ITGA9: variants seen among roughly 807,000 people sequenced by gnomAD.
ITGA9 encodes integrin subunit alpha 9.
In ITGA9, 56 loss-of-function variants were observed where a neutral mutation model predicts 127.8. The ratio of observed to expected loss-of-function variants is 0.44; its 90% CI spans 0.35 to 0.55. The LOEUF (loss-of-function observed/expected upper bound fraction) is 0.55, where lower values mean the gene tolerates loss of function less well. Among genes scored for constraint, ITGA9 ranks in the 20% least tolerant of loss-of-function variants. The pLI, the probability that ITGA9 is intolerant of heterozygous loss-of-function variation, is 0.00. For synonymous variants in ITGA9, 508 were observed against 514.5 expected, an observed-to-expected ratio of 0.99 and a Z score of 0.17; for missense variants, 1,196 against 1,347.1, an observed-to-expected ratio of 0.89 and a Z score of 1.76.
At chr3:37,590,989 G>A (rs1575160041) in intron 15 of ITGA9, among the ~76,000 whole-genome samples, 1 of 152,274 alleles carries the variant, frequency 6.6e-6, no homozygotes, top group East Asian at 1.9e-4. Context: ...CGCCTCTGCT[G>A]TCCTGCTCTG....
chr3:37,567,622 G>A (rs1699560490), intron 15 of ITGA9, among the ~76,000 whole-genome samples: 1 of 152,250 alleles, frequency 6.6e-6, no homozygotes, highest in Non-Finnish European at 1.5e-5. Flanking sequence ...AGATACAATG[G>A]GGGTATAGGC....
chr3:37,748,420 A>G lies in ITGA9; in HGVS notation c.2434-2042A>G. ...CATTAAGCACTCTAAGAGCCAAGAT[A>G]GCTTCCTGAAACACGTGAAGGAAAA... On this transcript the variant is annotated intron_variant, in intron 22 of 27. Coordinates refer to ENST00000264741, the MANE Select transcript of ITGA9 (RefSeq NM_002207.3). 6 of 592,540 alleles carry G rather than the reference A, an allele frequency of 1.0e-5. No homozygotes were observed. In the Middle Eastern group the frequency reaches 2.3e-3, roughly 226 times the overall value. 36.7% of individuals were successfully genotyped at this position (592,540 alleles called of 1,614,324 possible).
intron 3 of ITGA9, among the ~76,000 whole-genome samples, chr3:37,478,701 G>A (rs1220763207): frequency 6.6e-6 from 1 of 152,172 alleles, no homozygotes; most frequent in East Asian, 1.9e-4. Flanking sequence ...AGATTGACAT[G>A]TGTGTATATA....
Position 37,714,255 on chromosome 3 carries a change from A to G in ITGA9, c.2068-18457A>G, listed in dbSNP as rs138247992. ...GTGTTAAATAAGACAGGGCAAAATG[A>G]TGAAGGTACTCTGTAAATGTATGTC... On this transcript the variant is annotated intron_variant, in intron 18 of 27. Coordinates refer to ENST00000264741, the MANE Select transcript of ITGA9 (RefSeq NM_002207.3). Among the ~76,000 whole-genome samples the G allele has an allele frequency of 3.3e-3, 508 of 152,328 alleles. 4 individuals carry two copies. The highest frequency in any genetic ancestry group is 0.012 in the African/African-American group (479 of 41,584).
rs1300766666 is a variant in ITGA9, at chr3:37,503,213, T to C, written c.648T>C (p.Tyr216=). ...LVVMGAPGSF[Y]WAGTIKVLNL... is the part of the protein sequence containing the mutation. ...TGATGGGTGCTCCAGGGTCATTTTA[T>C]TGGGCTGGAACCATCAAAGTGCTGA... Residue 216 remains tyrosine (Y), a synonymous_variant, in exon 6 of 28, where the codon TAT becomes TAC. Coordinates refer to ENST00000264741, the MANE Select transcript of ITGA9 (RefSeq NM_002207.3). 1 of 1,614,122 alleles carries C rather than the reference T, an allele frequency of 6.2e-7. No homozygotes were observed.
At chr3:37,729,594 T>G (rs1696261053) in intron 18 of ITGA9, among the ~76,000 whole-genome samples, 4 of 152,138 alleles carry the variant, frequency 2.6e-5, no homozygotes, top group Non-Finnish European at 5.9e-5. Context: ...AGGTCAAAGC[T>G]AATTAAACTG....
intron 19 of ITGA9, 134 bp downstream of exon 19, chr3:37,732,932 A>G: frequency 2.8e-6 from 2 of 714,812 alleles, no homozygotes; most frequent in South Asian, 3.0e-5. Flanking sequence ...CGGCCACTGA[A>G]GCCCTGACAT....
chr3:37,614,954 T>C (rs924851223), intron 15 of ITGA9, among the ~76,000 whole-genome samples: 61 of 152,338 alleles, frequency 4.0e-4, no homozygotes, highest in Non-Finnish European at 7.2e-4. Context: ...GAATACCCTT[T>C]ATTTCCTTCT....
At chr3:37,698,880 G>A (rs1700916183) in intron 18 of ITGA9, among the ~76,000 whole-genome samples, 1 of 152,132 alleles carries the variant, frequency 6.6e-6, no homozygotes, top group African/African-American at 2.4e-5. Context: ...GTGTGTAATT[G>A]TGTTTCTTTG....
At chr3:37,499,170 G>C (rs1297037194) in intron 5 of ITGA9, among the ~76,000 whole-genome samples, 2 of 152,226 alleles carry the variant, frequency 1.3e-5, no homozygotes, top group African/African-American at 4.8e-5. Context: ...TATTTTTGTA[G>C]ATGAGGCTAA....
intron 18 of ITGA9, among the ~76,000 whole-genome samples, chr3:37,707,040 C>G (rs1701014562): frequency 6.6e-6 from 1 of 152,154 alleles, no homozygotes; most frequent in Admixed American, 6.5e-5. Flanking sequence ...AACATTAAAT[C>G]TAAAAATGTC....
At chr3:37,790,089 T>C in intron 26 of ITGA9, 1 of 554,786 alleles carries the variant, frequency 1.8e-6, no homozygotes. Flanking sequence ...GAAGTGTCAG[T>C]GCTTCTACAA....
intron 18 of ITGA9, among the ~76,000 whole-genome samples, chr3:37,698,648 A>T (rs1010129723): frequency 6.6e-6 from 1 of 152,190 alleles, no homozygotes; most frequent in African/African-American, 2.4e-5. Flanking sequence ...GAACATTTTT[A>T]TACCAGTTTT....
chr3:37,729,682 A>G (rs1416018009), intron 18 of ITGA9, among the ~76,000 whole-genome samples: 1 of 150,786 alleles, frequency 6.6e-6, no homozygotes, highest in Non-Finnish European at 1.5e-5. Flanking sequence ...TCTTTGGGGC[A>G]ATAAATCTTT....
chr3:37,809,088 CTTTTT>C (rs1208683122), intron 27 of ITGA9, among the ~76,000 whole-genome samples: 4 of 133,466 alleles, frequency 3.0e-5, no homozygotes, highest in African/African-American at 2.8e-5. Flanking sequence ...AAAATCTTTT[CTTTTT>C]TTTTTTTTTT....
chr3:37,499,394 G>T (rs1304896541), intron 5 of ITGA9, among the ~76,000 whole-genome samples: 1 of 152,150 alleles, frequency 6.6e-6, no homozygotes, highest in Non-Finnish European at 1.5e-5. Flanking sequence ...TACATACCCC[G>T]GTTCCTCTAG....
chr3:37,747,696 T>A lies in ITGA9; in HGVS notation c.2434-2766T>A, dbSNP rs532323646. Reference sequence around the variant, plus strand: ...TGATGTTTGTCTTTCTATATCTGGCTTATTTCTTTCCTTTTTTTTCTTTTT... The same window carrying A: ...TGATGTTTGTCTTTCTATATCTGGCATATTTCTTTCCTTTTTTTTCTTTTT... On this transcript the variant is annotated intron_variant, in intron 22 of 27. Coordinates refer to ENST00000264741, the MANE Select transcript of ITGA9 (RefSeq NM_002207.3). 1.8e-3 allele frequency among the ~76,000 whole-genome samples: 279 copies of A among 151,474 alleles called. 11 individuals carry two copies. The South Asian group carries it at 0.054, about 30-fold the overall frequency.
intron 24 of ITGA9, among the ~76,000 whole-genome samples, chr3:37,778,763 T>C (rs1320159489): frequency 6.6e-6 from 1 of 152,108 alleles, no homozygotes; most frequent in Non-Finnish European, 1.5e-5. Flanking sequence ...TTTGGTTACA[T>C]TTCTCTAAGC....
intron 19 of ITGA9, among the ~76,000 whole-genome samples, chr3:37,733,416 T>C (rs1359287714): frequency 1.4e-5 from 2 of 145,304 alleles, no homozygotes; most frequent in Non-Finnish European, 3.0e-5. Context: ...GGTAAAAAGA[T>C]GTGGTGATTG....
Sources: allele counts gnomAD v4.1 joint callset (sites outside exome capture counted in the v4.1 genomes callset), GRCh38; gene constraint gnomAD v4.1.1; transcripts MANE v1.5; gene names NCBI Gene and HGNC (gene_info 2026-07-23, HGNC 2026-07-21).